Variants in VWA2 observed in about 807,000 individuals in gnomAD.
VWA2 encodes von Willebrand factor A domain-containing protein 2.
A neutral mutation model predicts 70.4 loss-of-function variants in VWA2; 73 were observed. That is an observed-to-expected ratio of 1.04 (90% CI 0.86 to 1.26). The LOEUF (loss-of-function observed/expected upper bound fraction) is 1.26. VWA2 is among the 50% of genes most tolerant of loss of function. The pLI, the probability that VWA2 is intolerant of heterozygous loss-of-function variation, is 0.00. For synonymous variants in VWA2, 407 were observed against 423.3 expected (o/e 0.96, Z 0.47); for missense variants, 1,011 against 998.5 (o/e 1.01, Z -0.17).
intron 5 of VWA2, among the ~76,000 whole-genome samples, 197 bp downstream of exon 5, chr10:114,261,492 G>A (rs550896956): frequency 1.5e-4 from 23 of 152,222 alleles, no homozygotes; most frequent in Non-Finnish European, 1.9e-4. Context: ...GTCCCAGGTA[G>A]GAATTTAAAT....
chr10:114,251,959 AACAC>A (rs1287291119), intron 2 of VWA2, among the ~76,000 whole-genome samples: 1 of 151,794 alleles, frequency 6.6e-6, no homozygotes, highest in Non-Finnish European at 1.5e-5. Context: ...GTAGCCTCGA[AACAC>A]ACCCAGCTAA....
At position 114,290,270 on chromosome 10, in the gene VWA2, C is replaced by T. The variant is rs200187762; in HGVS notation, c.2153C>T (p.Pro718Leu). 6.4e-7 allele frequency: 1 copy of T among 1,550,582 alleles called. No individual in the cohort carries two copies. Among genetic ancestry groups the T allele is most frequent in the Non-Finnish European group, 8.7e-7 (1 of 1,146,980 alleles). ...EAKQPVNLCKPSPCMNEGSCV... is the reference protein window; with the variant it reads ...EAKQPVNLCKLSPCMNEGSCV... ...AAGCAGCCAGTCAACCTCTGCAAAC[C>T]CAGCCCGTGCATGAATGAGGGCAGC... Residue 718 changes from proline (P) to leucine (L), a missense_variant, in exon 13 of 14, where the codon CCC (proline) becomes CTC (leucine). Pro to Leu is a moderately conservative substitution (Grantham distance 98). Coordinates refer to ENST00000392982, the MANE Select transcript of VWA2 (RefSeq NM_001272046.2).
chr10:114,244,657 G>C (rs897471594), intron 1 of VWA2, among the ~76,000 whole-genome samples: 2 of 152,254 alleles, frequency 1.3e-5, no homozygotes, highest in East Asian at 3.9e-4. Flanking sequence ...TCCAGGTGTA[G>C]GGCTGTATTT....
At chr10:114,290,215 G>C (rs1233899991) in intron 12 of VWA2, 25 bp from the exon 13 acceptor site, 5 of 1,549,840 alleles carry the variant, frequency 3.2e-6, no homozygotes, top group Non-Finnish European at 4.4e-6. Flanking sequence ...GGCCGGCCTG[G>C]TGGGTATGGT....
chr10:114,290,494 C>T (rs953496399), intron 13 of VWA2, 129 bp downstream of exon 13: 2 of 1,330,538 alleles, frequency 1.5e-6, no homozygotes, highest in African/African-American at 2.9e-5. Flanking sequence ...CAGTCGTTTA[C>T]CCACGAAACA....
At chr10:114,248,675 A>G (rs898610123) in intron 1 of VWA2, 29 bp from the exon 2 acceptor site, 1 of 1,594,700 alleles carries the variant, frequency 6.3e-7, no homozygotes, top group African/African-American at 1.3e-5. Flanking sequence ...AATTGCTGAT[A>G]CTTTCTTTCT....
rs927352468 is a variant in VWA2, at chr10:114,246,423, C to T, written c.-10-2281C>T. The T allele has an allele frequency of 1.5e-4, 88 of 603,140 alleles. 1 individual carries two copies. The highest frequency in any genetic ancestry group is 2.6e-5 in the Non-Finnish European group (9 of 345,248). 37.4% of individuals were successfully genotyped at this position (603,140 alleles called of 1,614,324 possible). On this transcript the variant is annotated intron_variant, in intron 1 of 13. Coordinates refer to ENST00000392982, the MANE Select transcript of VWA2 (RefSeq NM_001272046.2). ...GGCTGAGACAGGAGAATCGCTTGAA[C>T]CCGGGAGGCAGAGGTAGCAGTGAGC...
At chr10:114,246,343 A>G (rs888761096) in intron 1 of VWA2, 7 of 577,172 alleles carry the variant, frequency 1.2e-5, no homozygotes, top group African/African-American at 1.9e-5. Context: ...TCTACTAAAA[A>G]TACAAAAATT....
At chr10:114,285,666 GAC>G (rs2038775372) in intron 10 of VWA2, among the ~76,000 whole-genome samples, 3 of 152,312 alleles carry the variant, frequency 2.0e-5, no homozygotes, top group Middle Eastern at 6.8e-3. Flanking sequence ...GATTTCTCAG[GAC>G]ACACACAGGA....
At chr10:114,279,572 C>T (rs755375649) in intron 8 of VWA2, among the ~76,000 whole-genome samples, 7 of 152,160 alleles carry the variant, frequency 4.6e-5, no homozygotes, top group Non-Finnish European at 1.0e-4. Flanking sequence ...ATGGAGAATC[C>T]AAAGACTGTT....
In VWA2 at chr10:114,285,894, C is replaced by T. The variant is rs759108258; in HGVS notation, c.998-45C>T. The T allele has an allele frequency of 6.5e-6, 10 of 1,530,962 alleles. No individual in the cohort carries two copies. In the East Asian group the frequency reaches 6.8e-5, roughly 10 times the overall value. 94.8% of individuals were successfully genotyped at this position (1,530,962 alleles called of 1,614,324 possible). On this transcript the variant is annotated intron_variant, in intron 10 of 13. Transcript: ENST00000392982. ...ATCTCGGGTGGGACAGCTCGCATGCCGCATGACCATGGCTTGACAGTGGGT... is the reference window on the plus strand; with the variant it reads ...ATCTCGGGTGGGACAGCTCGCATGCTGCATGACCATGGCTTGACAGTGGGT...
At chr10:114,250,894 A>G (rs1254983519) in intron 2 of VWA2, among the ~76,000 whole-genome samples, 1 of 152,160 alleles carries the variant, frequency 6.6e-6, no homozygotes, top group Non-Finnish European at 1.5e-5. Flanking sequence ...CCAGATTGCA[A>G]TCACATGCAC....
intron 5 of VWA2, among the ~76,000 whole-genome samples, chr10:114,271,262 A>G (rs2037701664): frequency 6.6e-6 from 1 of 152,206 alleles, no homozygotes; most frequent in Non-Finnish European, 1.5e-5. Context: ...AAATGTCAAT[A>G]TATGTATTGT....
At chr10:114,269,992 G>T (rs2037672284) in intron 5 of VWA2, among the ~76,000 whole-genome samples, 1 of 152,230 alleles carries the variant, frequency 6.6e-6, no homozygotes, top group Non-Finnish European at 1.5e-5. Flanking sequence ...AACTTTTTCA[G>T]TAAAAGTTGT....
intron 8 of VWA2, among the ~76,000 whole-genome samples, chr10:114,279,284 T>C (rs1410670541): frequency 1.3e-5 from 2 of 152,146 alleles, no homozygotes; most frequent in Non-Finnish European, 2.9e-5. Context: ...TCTTTGGGAT[T>C]GGAGCCCAGG....
rs1051921495 is a variant in VWA2, at chr10:114,290,385, T to C, written c.2248+20T>C. 1.9e-6 allele frequency: 3 copies of C among 1,549,864 alleles called. No individual in the cohort carries two copies. Among genetic ancestry groups the C allele is most frequent in the Admixed American group, 2.0e-5 (1 of 50,972 alleles). On this transcript the variant is annotated intron_variant, in intron 13 of 13. Transcript: ENST00000392982. ...AGAACCGTGAGTGGAGCTCTTGCTC[T>C]GTATGTGTGAGCCAGGGATGGTATT...
chr10:114,239,958 C>A lies in VWA2; in HGVS notation c.-11+389C>A, dbSNP rs537607393. Among the ~76,000 whole-genome samples the A allele has an allele frequency of 2.6e-5, 4 of 152,306 alleles. No individual in the cohort carries two copies. In the South Asian group the frequency reaches 8.3e-4, roughly 32 times the overall value. On this transcript the variant is annotated intron_variant, in intron 1 of 13. Coordinates refer to ENST00000392982, the MANE Select transcript of VWA2 (RefSeq NM_001272046.2). The stretch of plus-strand genomic sequence containing the variant: ...CCTCCTGGCACAGTAGCGGGGCCCC[C>A]TTCCCTGGCGGCCGCGGAAAGGGAC...
chr10:114,271,296 G>GT (rs1263132611), intron 5 of VWA2, among the ~76,000 whole-genome samples: 2 of 152,210 alleles, frequency 1.3e-5, no homozygotes, highest in African/African-American at 2.4e-5. Context: ...AATTCTAGGA[G>GT]TTGTCAGCTC....
Position 114,239,335 on chromosome 10 carries a change from A to T in VWA2, c.-245A>T, listed in dbSNP as rs367620855. On this transcript the variant is annotated 5_prime_UTR_variant, in exon 1 of 14. The change abolishes an upstream ATG in the 5' untranslated region. Transcript: ENST00000392982. ...CTTTTTTATTTGCAGACCTGGGCCG[A>T]TGCCGCTTTAAAAAACGCGAGGGGC... 7 of 152,382 alleles carry T rather than the reference A, an allele frequency of 4.6e-5. No homozygotes were observed. The highest frequency in any genetic ancestry group is 1.7e-4 in the African/African-American group (7 of 41,594). 9.4% of individuals were successfully genotyped at this position (152,382 alleles called of 1,614,324 possible).
Sources: gnomAD v4.1 joint callset for allele counts (sites outside exome capture counted in the v4.1 genomes callset) on GRCh38, gnomAD v4.1.1 for gene constraint, MANE v1.5 for transcripts, NCBI Gene and HGNC (gene_info 2026-07-23, HGNC 2026-07-21) for gene names.